Variants in DENND2B observed in about 807,000 individuals in gnomAD.
DENND2B encodes the protein DENN domain-containing protein 2B.
Under a neutral mutation model 116.0 loss-of-function variants are expected in DENND2B, and 32 were observed. The ratio of observed to expected loss-of-function variants is 0.28; its 90% CI spans 0.21 to 0.37. DENND2B has a LOEUF of 0.37. Among genes scored for constraint, DENND2B ranks in the 10% least tolerant of loss-of-function variants. The pLI is 1.00. For synonymous variants in DENND2B, 588 were observed against 583.9 expected (o/e 1.01, Z -0.10); for missense variants, 1,276 against 1,477.7 (o/e 0.86, Z 2.24).
At chr11:8,738,988 T>C (rs2049660814) in intron 2 of DENND2B, among the ~76,000 whole-genome samples, 1 of 152,232 alleles carries the variant, frequency 6.6e-6, no homozygotes, top group African/African-American at 2.4e-5. Context: ...CACCAGACTG[T>C]TTCCTCTCCC....
At chr11:8,778,617 T>A (rs1425014267) in intron 1 of DENND2B, among the ~76,000 whole-genome samples, 1 of 152,208 alleles carries the variant, frequency 6.6e-6, no homozygotes, top group Non-Finnish European at 1.5e-5. Flanking sequence ...TGGTAAATGA[T>A]CCCTCCAGCT....
intron 4 of DENND2B, among the ~76,000 whole-genome samples, chr11:8,816,617 T>C (rs1175142267): frequency 6.6e-6 from 1 of 152,082 alleles, no homozygotes. Context: ...TACACTGGGT[T>C]CTAGCTGCCA....
At chr11:8,869,013 C>G (rs1032588430) in intron 2 of DENND2B, among the ~76,000 whole-genome samples, 2 of 152,328 alleles carry the variant, frequency 1.3e-5, no homozygotes, top group Middle Eastern at 6.8e-3. Context: ...CATCAGCTAT[C>G]CTTAGAGTCA....
At chr11:8,724,063 A>G (rs2046651876) in intron 4 of DENND2B, among the ~76,000 whole-genome samples, 1 of 152,138 alleles carries the variant, frequency 6.6e-6, no homozygotes, top group South Asian at 2.1e-4. Flanking sequence ...TGGGAGACCG[A>G]GGCAGGCGGA....
intron 3 of DENND2B, among the ~76,000 whole-genome samples, chr11:8,726,623 A>G (rs1285954171): frequency 6.6e-6 from 1 of 152,178 alleles, no homozygotes; most frequent in Non-Finnish European, 1.5e-5. Flanking sequence ...CTGAGCTCTT[A>G]ACTATAATTT....
chr11:8,761,919 C>T (rs1290264977), intron 1 of DENND2B, among the ~76,000 whole-genome samples: 1 of 152,174 alleles, frequency 6.6e-6, no homozygotes, highest in Non-Finnish European at 1.5e-5. Context: ...CTACAAAGAA[C>T]AGTGGGTACT....
In DENND2B at chr11:8,714,036, T is replaced by C. The variant is rs776467816; in HGVS notation, c.1949A>G (p.Asn650Ser). ...SIETASLRDE[N>S]SESESDSDDR... Reference sequence around the variant, plus strand: ...ATCAGAGTCGCTCTCGCTCTCACTGTTTTCATCTGGAAAAGGAACAGCAGA... The same window carrying C: ...ATCAGAGTCGCTCTCGCTCTCACTGCTTTCATCTGGAAAAGGAACAGCAGA... Residue 650 changes from asparagine to serine, a missense_variant, in exon 8 of 20, where the codon AAC (asparagine) becomes AGC (serine). By Grantham distance (46) the Asn-to-Ser change is conservative. Transcript: ENST00000313726. 1 of 1,614,056 alleles carries C rather than the reference T, an allele frequency of 6.2e-7. No individual in the cohort carries two copies. Among genetic ancestry groups the C allele is most frequent in the East Asian group, 2.2e-5 (1 of 44,882 alleles).
At chr11:8,816,417 G>A (rs1447285503) in intron 4 of DENND2B, among the ~76,000 whole-genome samples, 5 of 152,272 alleles carry the variant, frequency 3.3e-5, no homozygotes, top group South Asian at 2.1e-4. Flanking sequence ...TGGGCATAGT[G>A]GCACACGCTT....
intron 2 of DENND2B, 73 bp downstream of exon 2, chr11:8,750,548 T>C (rs2052183184): frequency 3.1e-6 from 4 of 1,289,786 alleles, no homozygotes; most frequent in Non-Finnish European, 4.5e-6. Context: ...TGATGACTAT[T>C]TACATTTTGG....
chr11:8,724,524 C>A (rs1443578575), intron 4 of DENND2B, among the ~76,000 whole-genome samples: 4 of 152,200 alleles, frequency 2.6e-5, no homozygotes, highest in African/African-American at 4.8e-5. Context: ...GAATCAAAGC[C>A]CCTTACTGAT....
In DENND2B at chr11:8,717,822, C is replaced by G. The variant is rs750532070; in HGVS notation, c.1548G>C (p.Gln516His). The change falls in exon 5 of 20, where the codon CAG (glutamine) becomes CAC (histidine). Residue 516 changes from glutamine to histidine, a missense_variant. By Grantham distance (24) the Gln-to-His change is conservative (BLOSUM62 0). Coordinates refer to ENST00000313726, the MANE Select transcript of DENND2B (RefSeq NM_213618.2). ...AGTCCAAGGAGTTCTCAGACAGTTG[C>G]TGGGATTTTCGTCCTGCTCTTCGGC... is the stretch of plus-strand genomic sequence containing the variant. ...LKSRRAGRKS[Q>H]QLSENSLDSL... The G allele has an allele frequency of 1.2e-6, 2 of 1,613,490 alleles. No individual in the cohort carries two copies. Among genetic ancestry groups the G allele is most frequent in the South Asian group, 1.1e-5 (1 of 91,064 alleles).
chr11:8,761,970 G>A (rs897286938), intron 1 of DENND2B, among the ~76,000 whole-genome samples: 4 of 152,078 alleles, frequency 2.6e-5, no homozygotes, highest in Admixed American at 6.6e-5. Flanking sequence ...CTGGGGTTTA[G>A]CTTTCCCTCC....
intron 1 of DENND2B, among the ~76,000 whole-genome samples, chr11:8,793,522 T>C (rs1440673505): frequency 6.6e-6 from 1 of 152,252 alleles, no homozygotes; most frequent in Non-Finnish European, 1.5e-5. Flanking sequence ...CAGAACTTCC[T>C]TCCTTTCACA....
chr11:8,698,137 C>CAAAAAAAAAAAAAAAAA (rs33975736), intron 16 of DENND2B, among the ~76,000 whole-genome samples: 1 of 39,808 alleles, frequency 2.5e-5, no homozygotes, highest in Non-Finnish European at 4.9e-5. Flanking sequence ...ACCCTGTCTC[C>CAAAAAAAAAAAAAAAAA]AAAAAAAAAA....
chr11:8,886,682 A>T (rs1297689745), intron 1 of DENND2B, among the ~76,000 whole-genome samples: 1 of 151,948 alleles, frequency 6.6e-6, no homozygotes, highest in Admixed American at 6.6e-5. Flanking sequence ...ATGACAATTA[A>T]ATCAGTGGTC....
chr11:8,705,540 C>T (rs2042448571), intron 13 of DENND2B, among the ~76,000 whole-genome samples: 1 of 152,202 alleles, frequency 6.6e-6, no homozygotes. Flanking sequence ...ACTGGGCTCT[C>T]TTCTCTTCCC....
chr11:8,795,768 G>A (rs11042069), intron 1 of DENND2B, among the ~76,000 whole-genome samples: 52,776 of 151,900 alleles, frequency 0.35, 11,134 homozygotes, highest in Non-Finnish European at 0.45. Context: ...GTGATTCCCC[G>A]CTTTCTGGAT....
chr11:8,769,227 G>A (rs1261251826), intron 1 of DENND2B, among the ~76,000 whole-genome samples: 3 of 143,292 alleles, frequency 2.1e-5, no homozygotes, highest in Admixed American at 7.4e-5. Context: ...TAACAGCAAC[G>A]TAAAGCAACT....
chr11:8,869,134 A>G (rs1387639499), intron 2 of DENND2B, among the ~76,000 whole-genome samples: 2 of 152,174 alleles, frequency 1.3e-5, no homozygotes, highest in African/African-American at 4.8e-5. Context: ...TCCTTCACTC[A>G]AATGTCACTT....
Sources: allele counts gnomAD v4.1 joint callset (sites outside exome capture counted in the v4.1 genomes callset), GRCh38; gene constraint gnomAD v4.1.1; transcripts MANE v1.5; gene names NCBI Gene and HGNC (gene_info 2026-07-23, HGNC 2026-07-21).